Variants in ZNF609 observed in about 807,000 individuals in gnomAD.
The protein encoded by ZNF609 is zinc finger protein 609.
Under a neutral mutation model 109.5 loss-of-function variants are expected in ZNF609, and 11 were observed. That is an observed-to-expected ratio of 0.10 (90% confidence interval 0.06 to 0.17). The LOEUF is 0.17. Among genes scored for constraint, ZNF609 ranks in the 10% least tolerant of loss-of-function variants. ZNF609 has a pLI of 1.00. For synonymous variants in ZNF609, 646 were observed against 662.0 expected, an observed-to-expected ratio of 0.98 and a Z score of 0.37; for missense variants, 1,559 against 1,772.4, an observed-to-expected ratio of 0.88 and a Z score of 2.16.
rs757798803 is a variant in ZNF609 at position 64,675,497 on chromosome 15, C to T, written c.2643C>T (p.Pro881=). 8.7e-6 allele frequency: 14 copies of T among 1,613,958 alleles called. No homozygotes were observed. The highest frequency in any genetic ancestry group is 1.2e-5 in the Non-Finnish European group (14 of 1,180,024). ...VKEGAKKTLF[P]PQPQSKDSPY... Reference sequence around the variant, plus strand: ...AAGGGGCTAAGAAAACTCTTTTTCCCCCTCAGCCTCAGAGCAAAGACTCAC... The same window carrying T: ...AAGGGGCTAAGAAAACTCTTTTTCCTCCTCAGCCTCAGAGCAAAGACTCAC... The change falls in exon 5 of 10, where the codon CCC becomes CCT. Residue 881 remains proline, a synonymous_variant. Coordinates refer to ENST00000326648, the MANE Select transcript of ZNF609 (RefSeq NM_015042.2).
intron 2 of ZNF609, among the ~76,000 whole-genome samples, chr15:64,582,584 A>T (rs1895122800): frequency 1.3e-5 from 2 of 152,072 alleles, no homozygotes; most frequent in South Asian, 4.1e-4. Context: ...CTTTTTGCTT[A>T]CTTCATGCCT....
chr15:64,475,013 C>G (rs1296295109), intron 1 of ZNF609, among the ~76,000 whole-genome samples: 1 of 151,138 alleles, frequency 6.6e-6, no homozygotes, highest in Non-Finnish European at 1.5e-5. Context: ...TGGCTGGCCT[C>G]AAACTCCTGG....
In ZNF609 at chr15:64,532,423, A is replaced by G. The variant is rs578158291; in HGVS notation, c.747+32257A>G. The stretch of plus-strand genomic sequence containing the variant: ...GTGAATCTTTGTTTCTCAAGCACCT[A>G]TAATAGTACCTGGCCCAATAAATAT... On this transcript the variant is annotated intron_variant, in intron 2 of 9. Coordinates refer to ENST00000326648, the MANE Select transcript of ZNF609 (RefSeq NM_015042.2). Among the ~76,000 whole-genome samples the G allele has an allele frequency of 2.0e-5, 3 of 152,328 alleles. No individual in the cohort carries two copies. The East Asian group carries it at 5.8e-4, about 29-fold the overall frequency.
intron 1 of ZNF609, among the ~76,000 whole-genome samples, chr15:64,489,750 ACTC>A (rs1045088689): frequency 4.0e-5 from 6 of 148,454 alleles, no homozygotes; most frequent in African/African-American, 1.5e-4. Context: ...CTGGTCTTGA[ACTC>A]CTGACCTCAG....
intron 2 of ZNF609, among the ~76,000 whole-genome samples, chr15:64,535,206 C>G (rs1048479750): frequency 6.6e-6 from 1 of 152,138 alleles, no homozygotes; most frequent in South Asian, 2.1e-4. Flanking sequence ...ATGCCACCAC[C>G]CCTGATTAAT....
intron 2 of ZNF609, among the ~76,000 whole-genome samples, chr15:64,605,030 A>T (rs1275787772): frequency 6.6e-6 from 1 of 151,904 alleles, no homozygotes; most frequent in Non-Finnish European, 1.5e-5. Context: ...ACAGGGTTTC[A>T]CTGTGTTAGC....
At chr15:64,513,166 A>T (rs775291752) in intron 2 of ZNF609, among the ~76,000 whole-genome samples, 61 of 152,236 alleles carry the variant, frequency 4.0e-4, no homozygotes, top group Non-Finnish European at 4.3e-4. Flanking sequence ...GAGTATCTCA[A>T]ATTCATATAC....
At chr15:64,562,432 T>C (rs951202792) in intron 2 of ZNF609, among the ~76,000 whole-genome samples, 6 of 152,230 alleles carry the variant, frequency 3.9e-5, no homozygotes, top group African/African-American at 1.4e-4. Flanking sequence ...AGTTGATTTA[T>C]CTCCTAAATC....
intron 1 of ZNF609, among the ~76,000 whole-genome samples, chr15:64,480,514 AGAGT>A (rs1893237722): frequency 6.6e-6 from 1 of 151,940 alleles, no homozygotes; most frequent in South Asian, 2.1e-4. Context: ...CTGCACAACA[AGAGT>A]GAGACTCCAT....
At chr15:64,610,659 T>A (rs1876284404) in intron 2 of ZNF609, among the ~76,000 whole-genome samples, 1 of 151,616 alleles carries the variant, frequency 6.6e-6, no homozygotes, top group African/African-American at 2.4e-5. Context: ...AAAATAATAA[T>A]TTTTTTTTAA....
chr15:64,500,563 A>G (rs1461707479), intron 2 of ZNF609: 2 of 605,608 alleles, frequency 3.3e-6, no homozygotes, highest in Non-Finnish European at 5.9e-6. Flanking sequence ...TTGATAAACA[A>G]TACGCCTTTG....
chr15:64,545,631 G>A (rs1172190221), intron 2 of ZNF609, among the ~76,000 whole-genome samples: 2 of 152,124 alleles, frequency 1.3e-5, no homozygotes, highest in Non-Finnish European at 2.9e-5. Flanking sequence ...GATGTAGAAC[G>A]TTTTAATTTC....
chr15:64,460,751 A>C lies in ZNF609; in HGVS notation c.-215A>C. On this transcript the variant is annotated 5_prime_UTR_variant, in exon 1 of 10. An upstream start codon of the reference 5' UTR is lost. Coordinates refer to ENST00000326648, the MANE Select transcript of ZNF609 (RefSeq NM_015042.2). Reference sequence around the variant, plus strand: ...TGGGGGGGAGGGGCCGCGGGAACGGATGGCGGCCTGGGCCCCGTAGCAGCG... The same window carrying C: ...TGGGGGGGAGGGGCCGCGGGAACGGCTGGCGGCCTGGGCCCCGTAGCAGCG... The C allele has an allele frequency of 6.9e-6, 1 of 145,792 alleles. No individual in the cohort carries two copies. The highest frequency in any genetic ancestry group is 2.1e-4 in the South Asian group (1 of 4,798). 9.0% of individuals were successfully genotyped at this position (145,792 alleles called of 1,614,324 possible). A position where few individuals can be genotyped will look rare whatever the true frequency, so the allele number is the denominator to read the frequency against.
At chr15:64,602,119 ATCATGCTT>A (rs1420616198) in intron 2 of ZNF609, among the ~76,000 whole-genome samples, 1 of 152,176 alleles carries the variant, frequency 6.6e-6, no homozygotes, top group Non-Finnish European at 1.5e-5. Context: ...CCTTCATCTC[ATCATGCTT>A]TCCTTTACCC....
rs1896806791 is a variant in ZNF609 at position 64,676,066 on chromosome 15, G to A, written c.3212G>A (p.Gly1071Glu). The A allele has an allele frequency of 1.9e-6, 3 of 1,614,234 alleles. No homozygotes were observed. The highest frequency in any genetic ancestry group is 2.5e-6 in the Non-Finnish European group (3 of 1,180,036). The change falls in exon 5 of 10, where the codon GGG (glycine) becomes GAG (glutamate). Residue 1071 changes from glycine (G) to glutamate (E), a missense_variant. Physicochemically the swap from Gly to Glu is moderately conservative, Grantham distance 98. Around this residue, in one of 4 missense-constraint regions of ZNF609, gnomAD observed 1,204 missense variants for 1,314.1 expected, o/e 0.92. Transcript: ENST00000326648. The part of the protein sequence containing the change: ...KSGPGKAKEP[G>E]ADPAKSVIIP... ...GGACCTGGCAAGGCCAAGGAGCCAG[G>A]GGCTGACCCAGCCAAATCAGTCATC...
rs1455111375 is a variant in ZNF609 at position 64,685,671 on chromosome 15, A to G, written c.*3985A>G. The G allele has an allele frequency of 1.3e-5, 2 of 152,618 alleles. No homozygotes were observed. Among genetic ancestry groups the G allele is most frequent in the African/African-American group, 4.8e-5 (2 of 41,422 alleles). The allele number at this position is 152,618 out of a possible 1,614,324, so 9.5% of individuals were successfully genotyped here. On this transcript the variant is annotated 3_prime_UTR_variant, in exon 10 of 10. Transcript: ENST00000326648. The stretch of plus-strand genomic sequence containing the variant: ...GGGAGCTCTCTGCCTAAGAGTTTGC[A>G]CTATTTAAACCTGCCTGGGAGTTAG...
intron 3 of ZNF609, among the ~76,000 whole-genome samples, chr15:64,637,313 C>A (rs1896190935): frequency 6.6e-6 from 1 of 152,052 alleles, no homozygotes; most frequent in African/African-American, 2.4e-5. Flanking sequence ...GGGTTATTTG[C>A]AGTTTGAGGC....
In ZNF609 at chr15:64,622,696, G is replaced by C. The variant is rs185018978; in HGVS notation, c.748-131G>C. The C allele has an allele frequency of 2.4e-5, 18 of 757,538 alleles. No individual in the cohort carries two copies. The African/African-American group carries it at 3.1e-4, about 13-fold the overall frequency. The allele number at this position is 757,538 out of a possible 1,614,324, so 46.9% of individuals were successfully genotyped here. On this transcript the variant is annotated intron_variant, in intron 2 of 9. Coordinates refer to ENST00000326648, the MANE Select transcript of ZNF609 (RefSeq NM_015042.2). ...ATCATAAGCCAGAACTTGAAAGGAAGAACCAAAGTCTTATTTATAGCCGTC... is the reference window on the plus strand; with the variant it reads ...ATCATAAGCCAGAACTTGAAAGGAACAACCAAAGTCTTATTTATAGCCGTC...
At chr15:64,572,736 A>C (rs1370299195) in intron 2 of ZNF609, among the ~76,000 whole-genome samples, 5 of 152,024 alleles carry the variant, frequency 3.3e-5, no homozygotes, top group Admixed American at 3.3e-4. Flanking sequence ...TCCACTAAAA[A>C]TACAAAATTA....
Sources: gnomAD v4.1 joint callset for allele counts (sites outside exome capture counted in the v4.1 genomes callset) on GRCh38, gnomAD v4.1.1 for gene constraint, gnomAD v4.1.1 regional missense constraint, MANE v1.5 for transcripts, NCBI Gene and HGNC (gene_info 2026-07-23, HGNC 2026-07-21) for gene names.